The following PDS5A variants were observed in gnomAD, a reference collection of about 807,000 sequenced individuals.
PDS5A encodes sister chromatid cohesion protein PDS5 homolog A.
PDS5A carries 42 observed loss-of-function variants against 167.1 expected under a neutral mutation model. That is an observed-to-expected ratio of 0.25 (90% CI 0.20 to 0.33). The LOEUF (loss-of-function observed/expected upper bound fraction) is 0.33. PDS5A is among the 10% of genes least tolerant of loss of function. The pLI, the probability that PDS5A is intolerant of heterozygous loss-of-function variation, is 1.00. For synonymous variants in PDS5A, 553 were observed against 554.6 expected (o/e 1.00, Z 0.04); for missense variants, 1,033 against 1,605.9 (o/e 0.64, Z 6.10).
intron 2 of PDS5A, among the ~76,000 whole-genome samples, chr4:39,957,637 T>A (rs1578825761): frequency 6.6e-6 from 1 of 151,800 alleles, no homozygotes; most frequent in East Asian, 2.0e-4. Flanking sequence ...TACAAAAAAA[T>A]TAGCCGGGCG....
At chr4:39,956,712 A>T (rs1432325908) in intron 2 of PDS5A, among the ~76,000 whole-genome samples, 1 of 151,354 alleles carries the variant, frequency 6.6e-6, no homozygotes, top group East Asian at 1.9e-4. Flanking sequence ...TCACTCTGTC[A>T]CCCAGGCTGG....
chr4:39,824,168 T>C lies in PDS5A; in HGVS notation c.*1317A>G, dbSNP rs1715074166. 6.6e-6 allele frequency: 1 copy of C among 152,220 alleles called. No homozygotes were observed. The allele number at this position is 152,220 out of a possible 1,614,324, so 9.4% of individuals were successfully genotyped here. ...AATCAGGTCTTACATGCCTTCGTTA[T>C]TTTGTTATCACAAAATTAAAAACCT... is the stretch of plus-strand genomic sequence containing the variant. On this transcript the variant is annotated 3_prime_UTR_variant, in exon 33 of 33. Transcript: ENST00000303538.
intron 6 of PDS5A, among the ~76,000 whole-genome samples, chr4:39,922,238 C>T (rs895220283): frequency 2.2e-4 from 33 of 152,122 alleles, no homozygotes; most frequent in Admixed American, 1.7e-3. Flanking sequence ...GAAAAAGGTA[C>T]GATACGGATT....
chr4:39,854,468 A>G (rs1198790925), intron 26 of PDS5A, among the ~76,000 whole-genome samples: 1 of 152,114 alleles, frequency 6.6e-6, no homozygotes, highest in Non-Finnish European at 1.5e-5. Flanking sequence ...TTTGACCTCC[A>G]ATATTCTTCC....
intron 21 of PDS5A, among the ~76,000 whole-genome samples, chr4:39,869,684 GATAGACAT>G (rs1719853263): frequency 6.6e-6 from 1 of 152,158 alleles, no homozygotes; most frequent in African/African-American, 2.4e-5. Context: ...TACTGGCAAG[GATAGACAT>G]ATAGACTAAT....
intron 16 of PDS5A, among the ~76,000 whole-genome samples, chr4:39,896,012 C>T (rs1722377590): frequency 6.8e-6 from 1 of 146,700 alleles, no homozygotes; most frequent in African/African-American, 2.5e-5. Context: ...GTGTGAGCCA[C>T]CACACCTGGC....
At chr4:39,974,290 T>C in intron 2 of PDS5A, 1 of 537,250 alleles carries the variant, frequency 1.9e-6, no homozygotes, top group South Asian at 1.4e-5. Context: ...GACCAGCTTC[T>C]TCACAGGTTC....
At chr4:39,850,277 A>T (rs1012988490) in intron 26 of PDS5A, among the ~76,000 whole-genome samples, 1 of 151,804 alleles carries the variant, frequency 6.6e-6, no homozygotes, top group Non-Finnish European at 1.5e-5. Context: ...CTCTCAAAAA[A>T]AAAAAAAAAA....
At chr4:39,945,590 C>T (rs911798791) in intron 2 of PDS5A, among the ~76,000 whole-genome samples, 1 of 151,666 alleles carries the variant, frequency 6.6e-6, no homozygotes, top group South Asian at 2.1e-4. Context: ...GAAATACACA[C>T]ATTATACTAT....
At chr4:39,917,015 T>TAA (rs71194939) in intron 8 of PDS5A, 33 bp downstream of exon 8, 12,350 of 1,109,756 alleles carry the variant, frequency 0.011, 1 homozygote, top group Non-Finnish European at 0.012. Context: ...ACAAAAAAAT[T>TAA]AAAAAAAAAA....
intron 32 of PDS5A, among the ~76,000 whole-genome samples, chr4:39,826,588 C>T (rs944580422): frequency 2.0e-5 from 3 of 151,902 alleles, no homozygotes; most frequent in Admixed American, 1.3e-4. Flanking sequence ...CGGGTTCAAG[C>T]GATACTCCTG....
intron 8 of PDS5A, among the ~76,000 whole-genome samples, chr4:39,916,103 G>A (rs922071295): frequency 6.6e-6 from 1 of 151,908 alleles, no homozygotes; most frequent in African/African-American, 2.4e-5. Flanking sequence ...CAGGCATGGT[G>A]AGGTATACCT....
chr4:39,849,455 A>AAAC (rs34094750), intron 27 of PDS5A, 65 bp downstream of exon 27: 5 of 1,162,806 alleles, frequency 4.3e-6, no homozygotes, highest in Non-Finnish European at 6.1e-6. Context: ...AAAAAAAAAA[A>AAAC]ACCAAGTGGG....
chr4:39,945,967 C>T (rs536884918), intron 2 of PDS5A, among the ~76,000 whole-genome samples: 3 of 151,584 alleles, frequency 2.0e-5, no homozygotes, highest in South Asian at 2.1e-4. Context: ...TTTGGGAGGC[C>T]GTGGAGGGAG....
chr4:39,860,081 A>AG (rs1718858037), intron 26 of PDS5A, among the ~76,000 whole-genome samples: 1 of 151,516 alleles, frequency 6.6e-6, no homozygotes, highest in Non-Finnish European at 1.5e-5. Context: ...AAAGAGAGAG[A>AG]AAAAAAAAGG....
At chr4:39,828,272 C>T (rs554042281) in intron 32 of PDS5A, among the ~76,000 whole-genome samples, 6 of 152,326 alleles carry the variant, frequency 3.9e-5, no homozygotes, top group Admixed American at 2.0e-4. Flanking sequence ...AAAATTCTAA[C>T]GTTACCTTTA....
chr4:39,889,589 G>GA (rs1721794190), intron 17 of PDS5A, among the ~76,000 whole-genome samples: 1 of 152,200 alleles, frequency 6.6e-6, no homozygotes, highest in Non-Finnish European at 1.5e-5. Flanking sequence ...TGGTGCAAGA[G>GA]AAAAGCATTA....
intron 30 of PDS5A, among the ~76,000 whole-genome samples, 173 bp downstream of exon 30, chr4:39,844,483 A>T (rs1415121338): frequency 6.6e-6 from 1 of 150,790 alleles, no homozygotes; most frequent in African/African-American, 2.4e-5. Flanking sequence ...TGTCTCAAAA[A>T]AAAAAAAAAA....
At chr4:39,832,606 T>TGGGGCAGGAAGATTGCTTG (rs1018227990) in intron 32 of PDS5A, among the ~76,000 whole-genome samples, 1 of 152,056 alleles carries the variant, frequency 6.6e-6, no homozygotes, top group Admixed American at 6.6e-5. Context: ...GTTTGAGGGC[T>TGGGGCAGGAAGATTGCTTG]GGGGCAGGAA....
Sources: gnomAD v4.1 joint callset for allele counts (sites outside exome capture counted in the v4.1 genomes callset) on GRCh38, gnomAD v4.1.1 for gene constraint, MANE v1.5 for transcripts, NCBI Gene and HGNC (gene_info 2026-07-23, HGNC 2026-07-21) for gene names.